Variants in RAB43 observed in about 807,000 individuals in gnomAD.
RAB43 encodes ras-related protein Rab-43.
RAB43 carries 6 observed loss-of-function variants against 18.8 expected under a neutral mutation model. That is an observed-to-expected ratio of 0.32 (90% CI 0.17 to 0.63). The LOEUF is 0.63. Ranked by LOEUF, RAB43 falls within the 30% of genes least tolerant of loss-of-function variation. The probability of loss-of-function intolerance (pLI) is 0.79; values close to 1 mark genes in which losing one functional copy is unlikely to be tolerated. For synonymous variants in RAB43, 103 were observed against 124.1 expected (o/e 0.83, Z 1.13); for missense variants, 195 against 289.1 (o/e 0.67, Z 2.36).
rs1184491458 is a variant in RAB43, at chr3:129,100,222, G to GA, written c.205-5054dup. ...AGACAATGCTGAGAAGTGCTAAAAA[G>GA]AAAAAAACAAGTGCGGAAAGAAAAA... On this transcript the variant is annotated intron_variant, in intron 1 of 2. Transcript: ENST00000315150. 3.9e-5 allele frequency among the ~76,000 whole-genome samples: 6 copies of GA among 152,116 alleles called. No individual in the cohort carries two copies. In the East Asian group the frequency reaches 9.6e-4, roughly 24 times the overall value.
intron 1 of RAB43, among the ~76,000 whole-genome samples, chr3:129,110,596 T>A (rs776211569): frequency 1.3e-5 from 2 of 152,154 alleles, no homozygotes; most frequent in Non-Finnish European, 2.9e-5. Context: ...CCCAGCACTT[T>A]GGGAGGCTGA....
intron 1 of RAB43, among the ~76,000 whole-genome samples, chr3:129,119,477 GC>G (rs1935764939): frequency 6.6e-6 from 1 of 152,162 alleles, no homozygotes; most frequent in Non-Finnish European, 1.5e-5. Flanking sequence ...TCACTTCTTA[GC>G]TGTGTGCCCA....
intron 2 of RAB43, chr3:129,092,462 C>T: frequency 1.5e-6 from 1 of 686,972 alleles, no homozygotes; most frequent in Middle Eastern, 2.3e-4. Context: ...CCTGGGGGCT[C>T]ATTATTATAC....
intron 1 of RAB43, among the ~76,000 whole-genome samples, chr3:129,113,539 C>T (rs1212765133): frequency 3.3e-5 from 5 of 152,154 alleles, no homozygotes; most frequent in Admixed American, 2.0e-4. Flanking sequence ...TGGTCATTCA[C>T]GAGCACAGGT....
chr3:129,097,065 A>C (rs1347508938), intron 1 of RAB43, among the ~76,000 whole-genome samples: 2 of 152,180 alleles, frequency 1.3e-5, no homozygotes, highest in East Asian at 3.8e-4. Context: ...GTGAGCCGAG[A>C]TCACGCCACT....
chr3:129,091,431 T>C, intron 2 of RAB43, 85 bp from the exon 3 acceptor site: 2 of 1,473,028 alleles, frequency 1.4e-6, no homozygotes, highest in East Asian at 4.9e-5. Flanking sequence ...GACAGCCCCA[T>C]GCCACTCCCT....
intron 1 of RAB43, among the ~76,000 whole-genome samples, chr3:129,099,902 C>G (rs1934312489): frequency 6.6e-6 from 1 of 152,132 alleles, no homozygotes; most frequent in African/African-American, 2.4e-5. Flanking sequence ...CAAACTGTCT[C>G]ATACTCACAT....
chr3:129,120,349 T>C (rs1472119711), intron 1 of RAB43, among the ~76,000 whole-genome samples: 1 of 152,128 alleles, frequency 6.6e-6, no homozygotes, highest in Non-Finnish European at 1.5e-5. Context: ...GACTCCCATC[T>C]CCCTGGCAGA....
rs185254397 is a variant in RAB43, at chr3:129,113,410, C to T, written c.204+7876G>A. On this transcript the variant is annotated intron_variant, in intron 1 of 2. Transcript: ENST00000315150. ...TGAACTCTTGACCACATGATCGGCC[C>T]GCCTCGGCCTCCCAAAGTGCTGGGA... 6.5e-3 allele frequency among the ~76,000 whole-genome samples: 984 copies of T among 152,068 alleles called. 9 individuals carry two copies. Among genetic ancestry groups the T allele is most frequent in the African/African-American group, 0.022 (927 of 41,496 alleles).
intron 1 of RAB43, among the ~76,000 whole-genome samples, chr3:129,118,567 T>C (rs1403313963): frequency 6.6e-6 from 1 of 152,156 alleles, no homozygotes; most frequent in Admixed American, 6.5e-5. Context: ...ATCTCTAAGC[T>C]TCCTGAAGCT....
At chr3:129,113,167 A>ATTT (rs1265198846) in intron 1 of RAB43, among the ~76,000 whole-genome samples, 3 of 138,194 alleles carry the variant, frequency 2.2e-5, no homozygotes, top group Non-Finnish European at 4.8e-5. Context: ...TATTATTATT[A>ATTT]TTATTTTTTT....
rs1175142868 is a variant in RAB43, at chr3:129,096,986, G to A, written c.205-1817C>T. ...AAATTAACCAGGTGTGGTGGTGCAC[G>A]CCTGTAATCCCAGCTACTGGGAAGG... On this transcript the variant is annotated intron_variant, in intron 1 of 2. Coordinates refer to ENST00000315150, the MANE Select transcript of RAB43 (RefSeq NM_198490.3). Among the ~76,000 whole-genome samples the A allele has an allele frequency of 4.6e-5, 7 of 152,040 alleles. No individual in the cohort carries two copies. In the South Asian group the frequency reaches 6.2e-4, roughly 14 times the overall value.
chr3:129,121,259 T>C (rs1576856950), intron 1 of RAB43, 27 bp downstream of exon 1: 12 of 1,569,002 alleles, frequency 7.6e-6, no homozygotes, highest in Middle Eastern at 1.9e-4. Context: ...AGGGAGCGCC[T>C]TCCAGGGGCC....
Position 129,092,783 on chromosome 3 carries a change from C to T in RAB43, c.389-1437G>A, listed in dbSNP as rs530376446. On this transcript the variant is annotated intron_variant, in intron 2 of 2. Coordinates refer to ENST00000315150, the MANE Select transcript of RAB43 (RefSeq NM_198490.3). ...CATCCTGGCTAACATGGTGAAACCCCGTCTCTACTAAAAATACAAAAAATT... is the reference window on the plus strand; with the variant it reads ...CATCCTGGCTAACATGGTGAAACCCTGTCTCTACTAAAAATACAAAAAATT... Among the ~76,000 whole-genome samples, 17 of 151,294 alleles carry T rather than the reference C, an allele frequency of 1.1e-4. No homozygotes were observed. In the South Asian group the frequency reaches 3.6e-3, roughly 32 times the overall value.
rs530463954 is a variant in RAB43 at position 129,107,859 on chromosome 3, C to T, written c.205-12690G>A. Among the ~76,000 whole-genome samples the T allele has an allele frequency of 2.6e-5, 4 of 152,272 alleles. No homozygotes were observed. The highest frequency in any genetic ancestry group is 2.0e-4 in the Admixed American group (3 of 15,294). The stretch of plus-strand genomic sequence containing the variant: ...TCAACGATGGCCCAGACTGGCCTCA[C>T]GAGTCCCTCACCCTCACCCTCCAAG... On this transcript the variant is annotated intron_variant, in intron 1 of 2. Transcript: ENST00000315150. The surrounding 1 kb of genome is among the most constrained non-coding windows in gnomAD (Gnocchi z 4.2).
intron 1 of RAB43, among the ~76,000 whole-genome samples, chr3:129,114,445 C>G (rs1935364974): frequency 6.6e-6 from 1 of 152,190 alleles, no homozygotes; most frequent in African/African-American, 2.4e-5. Flanking sequence ...ATTTCCTCTT[C>G]TGTAAGATGG....
chr3:129,109,161 A>C (rs1285363123), intron 1 of RAB43, among the ~76,000 whole-genome samples: 3 of 152,196 alleles, frequency 2.0e-5, no homozygotes, highest in Non-Finnish European at 4.4e-5. Context: ...CTGTAATCCC[A>C]ACACTTTGGG....
At chr3:129,100,146 T>G (rs1191935418) in intron 1 of RAB43, among the ~76,000 whole-genome samples, 1 of 152,044 alleles carries the variant, frequency 6.6e-6, no homozygotes, top group African/African-American at 2.4e-5. Flanking sequence ...ATTCCATACA[T>G]GGGAACAACA....
At chr3:129,104,690 C>T (rs1015808564) in intron 1 of RAB43, among the ~76,000 whole-genome samples, 32 of 152,342 alleles carry the variant, frequency 2.1e-4, no homozygotes, top group African/African-American at 7.5e-4. Context: ...CTGCCTCAGT[C>T]GGGAAGCACA....
Sources: gnomAD v4.1 joint callset for allele counts (sites outside exome capture counted in the v4.1 genomes callset) on GRCh38, gnomAD v4.1.1 for gene constraint, Gnocchi (gnomAD v3.1) non-coding constraint, MANE v1.5 for transcripts, NCBI Gene and HGNC (gene_info 2026-07-23, HGNC 2026-07-21) for gene names.